AGBL1: variants seen among roughly 807,000 people sequenced by gnomAD.
AGBL1 encodes the protein AGBL carboxypeptidase 1.
In AGBL1, 130 loss-of-function variants were observed where a neutral mutation model predicts 118.9. The ratio of observed to expected loss-of-function variants is 1.09; its 90% confidence interval spans 0.95 to 1.26. The LOEUF is 1.26. AGBL1 is among the 50% of genes most tolerant of loss of function. The pLI is 0.00. For synonymous variants in AGBL1, 555 were observed against 478.9 expected, an observed-to-expected ratio of 1.16 and a Z score of -2.08; for missense variants, 1,584 against 1,298.1, an observed-to-expected ratio of 1.22 and a Z score of -3.38.
At chr15:86,996,205 T>C (rs1388117570) in intron 24 of AGBL1, among the ~76,000 whole-genome samples, 2 of 152,120 alleles carry the variant, frequency 1.3e-5, no homozygotes, top group Non-Finnish European at 2.9e-5. Flanking sequence ...GGTGAACATA[T>C]TGTGAGGCTA....
At chr15:86,510,305 A>G (rs1215801550) in intron 18 of AGBL1, among the ~76,000 whole-genome samples, 1 of 151,898 alleles carries the variant, frequency 6.6e-6, no homozygotes, top group African/African-American at 2.4e-5. Flanking sequence ...GTTACTCTCT[A>G]GAGACACATT....
intron 21 of AGBL1, among the ~76,000 whole-genome samples, chr15:86,624,272 G>A (rs4630512): frequency 0.016 from 2,422 of 152,342 alleles, 39 homozygotes; most frequent in East Asian, 0.077. Context: ...TGAATTGAAT[G>A]TTAAAAGTAT....
chr15:86,359,124 T>C (rs974325280), intron 17 of AGBL1, among the ~76,000 whole-genome samples: 4 of 151,928 alleles, frequency 2.6e-5, no homozygotes, highest in Non-Finnish European at 4.4e-5. Context: ...CTTTTCCTCT[T>C]AGTTTCTTCT....
At chr15:86,160,555 C>T (rs2077253990) in intron 5 of AGBL1, among the ~76,000 whole-genome samples, 1 of 152,120 alleles carries the variant, frequency 6.6e-6, no homozygotes, top group Admixed American at 6.6e-5. Flanking sequence ...TTGGATATGT[C>T]TCATTTTTAT....
intron 22 of AGBL1, among the ~76,000 whole-genome samples, chr15:86,830,305 G>T (rs1369490211): frequency 3.9e-5 from 6 of 151,928 alleles, no homozygotes; most frequent in Non-Finnish European, 4.4e-5. Context: ...CCTCTGAGAG[G>T]TTAACTTCTA....
At chr15:86,208,979 T>G (rs564467626) in intron 5 of AGBL1, among the ~76,000 whole-genome samples, 48 of 152,344 alleles carry the variant, frequency 3.2e-4, no homozygotes, top group African/African-American at 1.2e-3. Context: ...CTCTACAGAC[T>G]GCTTTAAATG....
chr15:86,663,986 G>A (rs755224096), intron 21 of AGBL1, among the ~76,000 whole-genome samples: 2 of 151,992 alleles, frequency 1.3e-5, no homozygotes, highest in African/African-American at 4.8e-5. Flanking sequence ...TGTCTGCTGT[G>A]GTCATTCATG....
chr15:86,209,641 C>CT lies in AGBL1; in HGVS notation c.489-15264dup, dbSNP rs1319744887. Among the ~76,000 whole-genome samples, 1,364 of 151,122 alleles carry CT rather than the reference C, an allele frequency of 9.0e-3. 17 individuals carry two copies. The highest frequency in any genetic ancestry group is 0.032 in the African/African-American group (1,305 of 41,224). On this transcript the variant is annotated intron_variant, in intron 5 of 22. Transcript: ENST00000614907. The stretch of plus-strand genomic sequence containing the variant: ...TCAGACACTAAGATTGCAATCCCTG[C>CT]TTTTTTTTTGCTTTCCGTTTGCTTG...
At chr15:86,635,486 G>A (rs2085068094) in intron 21 of AGBL1, among the ~76,000 whole-genome samples, 1 of 151,712 alleles carries the variant, frequency 6.6e-6, no homozygotes, top group Non-Finnish European at 1.5e-5. Flanking sequence ...ACAACTCACT[G>A]TTTTGGCTCT....
chr15:86,870,226 T>C (rs1326517044), intron 22 of AGBL1, among the ~76,000 whole-genome samples: 1 of 151,870 alleles, frequency 6.6e-6, no homozygotes, highest in Non-Finnish European at 1.5e-5. Flanking sequence ...TACTTAATGC[T>C]TTATATAGAC....
intron 4 of AGBL1, among the ~76,000 whole-genome samples, chr15:86,155,184 A>G (rs1279853199): frequency 2.0e-5 from 3 of 152,206 alleles, no homozygotes; most frequent in Non-Finnish European, 4.4e-5. Context: ...AGAGTAAAGC[A>G]GGGCCAGGCA....
intron 17 of AGBL1, among the ~76,000 whole-genome samples, chr15:86,395,086 A>G (rs2081343400): frequency 6.6e-6 from 1 of 152,166 alleles, no homozygotes; most frequent in South Asian, 2.1e-4. Flanking sequence ...ATACTCTGTT[A>G]CTTATCACAG....
chr15:86,830,429 A>G (rs1455775705), intron 22 of AGBL1, among the ~76,000 whole-genome samples: 1 of 152,162 alleles, frequency 6.6e-6, no homozygotes, highest in East Asian at 1.9e-4. Flanking sequence ...TCCAGAAAGC[A>G]TCTACCACCA....
At chr15:86,751,976 A>C (rs1259733165) in intron 22 of AGBL1, among the ~76,000 whole-genome samples, 1 of 152,048 alleles carries the variant, frequency 6.6e-6, no homozygotes, top group Non-Finnish European at 1.5e-5. Flanking sequence ...CCTCAATCTA[A>C]GTTGTTCTGG....
intron 3 of AGBL1, among the ~76,000 whole-genome samples, chr15:86,153,113 A>G (rs2077137864): frequency 1.3e-5 from 2 of 152,210 alleles, no homozygotes; most frequent in African/African-American, 4.8e-5. Context: ...TGACTCCTCA[A>G]GGATCTAGAA....
chr15:86,273,093 C>A (rs1447088728), intron 15 of AGBL1, among the ~76,000 whole-genome samples: 1 of 152,202 alleles, frequency 6.6e-6, no homozygotes, highest in Non-Finnish European at 1.5e-5. Flanking sequence ...TGGCTTGGAC[C>A]TGAAAGTTAG....
chr15:86,634,712 T>C (rs1471202052), intron 21 of AGBL1, among the ~76,000 whole-genome samples: 2 of 152,174 alleles, frequency 1.3e-5, no homozygotes, highest in Non-Finnish European at 2.9e-5. Context: ...ATGTAAATTA[T>C]TTTTCAATAA....
chr15:86,996,574 C>G (rs901369661), intron 24 of AGBL1, among the ~76,000 whole-genome samples: 1 of 152,174 alleles, frequency 6.6e-6, no homozygotes, highest in African/African-American at 2.4e-5. Flanking sequence ...TGTACTCCAG[C>G]CTGGGCAACA....
intron 18 of AGBL1, among the ~76,000 whole-genome samples, chr15:86,457,071 A>G (rs1472235102): frequency 6.6e-6 from 1 of 152,174 alleles, no homozygotes; most frequent in Non-Finnish European, 1.5e-5. Flanking sequence ...CCTAGCTAAT[A>G]TTACCACATT....
Sources: gnomAD v4.1 joint callset for allele counts (sites outside exome capture counted in the v4.1 genomes callset) on GRCh38, gnomAD v4.1.1 for gene constraint, MANE v1.5 for transcripts, NCBI Gene and HGNC (gene_info 2026-07-23, HGNC 2026-07-21) for gene names.